The following LRMDA variants were observed in gnomAD, a reference collection of about 807,000 sequenced individuals.
The protein encoded by LRMDA is leucine-rich melanocyte differentiation-associated protein.
LRMDA carries 18 observed loss-of-function variants against 29.8 expected under a neutral mutation model. The observed-to-expected ratio is 0.60, with a 90% CI of 0.42 to 0.90. The LOEUF is 0.90. LRMDA is among the 40% of genes least tolerant of loss of function. The pLI, the probability that LRMDA is intolerant of heterozygous loss-of-function variation, is 0.00. For missense variants in LRMDA, 273 were observed against 273.9 expected, an observed-to-expected ratio of 1.00 and a Z score of 0.02; for synonymous variants, 125 against 109.4, an observed-to-expected ratio of 1.14 and a Z score of -0.89.
chr10:76,155,346 A>G (rs1193283162), intron 5 of LRMDA, among the ~76,000 whole-genome samples: 1 of 148,992 alleles, frequency 6.7e-6, no homozygotes, highest in Non-Finnish European at 1.5e-5. Flanking sequence ...TGAAATGAAC[A>G]TACCTGAAAT....
chr10:75,873,600 G>C (rs1029183067), intron 2 of LRMDA, among the ~76,000 whole-genome samples: 5 of 152,138 alleles, frequency 3.3e-5, no homozygotes, highest in African/African-American at 1.2e-4. Context: ...GAATCACAGG[G>C]CTATAACTCT....
chr10:75,830,484 C>T (rs12414095), intron 2 of LRMDA, among the ~76,000 whole-genome samples: 24,654 of 151,220 alleles, frequency 0.16, 2,225 homozygotes, highest in Admixed American at 0.22. Context: ...GGGGAAGCCT[C>T]ACAATTATGG....
chr10:75,496,897 G>A (rs893073754), intron 2 of LRMDA, among the ~76,000 whole-genome samples: 3 of 151,630 alleles, frequency 2.0e-5, no homozygotes, highest in African/African-American at 7.3e-5. Context: ...ATACATGAGG[G>A]GTATATACAC....
At chr10:76,453,116 T>C (rs1390570341) in intron 6 of LRMDA, among the ~76,000 whole-genome samples, 1 of 152,240 alleles carries the variant, frequency 6.6e-6, no homozygotes, top group Non-Finnish European at 1.5e-5. Context: ...TAAAGCACAG[T>C]TAAAGATAGT....
chr10:76,407,656 A>G (rs2132504265), intron 6 of LRMDA, among the ~76,000 whole-genome samples: 1 of 152,332 alleles, frequency 6.6e-6, no homozygotes. Context: ...AAATATGCAC[A>G]AGATTTCATA....
chr10:76,423,638 A>T (rs1325670189), intron 6 of LRMDA, among the ~76,000 whole-genome samples: 1 of 152,214 alleles, frequency 6.6e-6, no homozygotes, highest in Non-Finnish European at 1.5e-5. Flanking sequence ...AAATTTTGTT[A>T]TAAAGGGAAT....
At chr10:75,825,027 C>A (rs1008826368) in intron 2 of LRMDA, among the ~76,000 whole-genome samples, 4 of 152,102 alleles carry the variant, frequency 2.6e-5, no homozygotes, top group Admixed American at 2.6e-4. Context: ...GACCTAACAC[C>A]TTCATTATCA....
intron 5 of LRMDA, among the ~76,000 whole-genome samples, chr10:76,086,241 G>A (rs1279359225): frequency 1.3e-5 from 2 of 152,180 alleles, no homozygotes; most frequent in African/African-American, 4.8e-5. Flanking sequence ...TTTTGGGAAA[G>A]AGTTCACTCT....
intron 6 of LRMDA, among the ~76,000 whole-genome samples, chr10:76,453,899 T>C (rs1842431329): frequency 6.6e-6 from 1 of 152,232 alleles, no homozygotes; most frequent in African/African-American, 2.4e-5. Flanking sequence ...TCTATGTACA[T>C]ATTCCATGTT....
At chr10:76,495,610 C>G (rs913119059) in intron 6 of LRMDA, among the ~76,000 whole-genome samples, 5 of 151,840 alleles carry the variant, frequency 3.3e-5, no homozygotes, top group Admixed American at 3.3e-4. Flanking sequence ...TATATTGAGT[C>G]TTCCAATTCA....
chr10:76,295,872 T>A (rs548407360), intron 5 of LRMDA, among the ~76,000 whole-genome samples: 1 of 152,338 alleles, frequency 6.6e-6, no homozygotes, highest in East Asian at 1.9e-4. Flanking sequence ...TCTTTGCTAA[T>A]CTTCACTCAT....
intron 2 of LRMDA, among the ~76,000 whole-genome samples, chr10:75,806,353 T>A (rs1843851807): frequency 6.6e-6 from 1 of 151,398 alleles, no homozygotes. Flanking sequence ...TTCTTGAGAA[T>A]TCATATCTCT....
intron 5 of LRMDA, among the ~76,000 whole-genome samples, chr10:76,102,087 A>G (rs1345825385): frequency 6.6e-6 from 1 of 152,202 alleles, no homozygotes; most frequent in African/African-American, 2.4e-5. Flanking sequence ...TATCCACATC[A>G]TAGCATGTAT....
chr10:75,809,396 C>T (rs764825216), intron 2 of LRMDA, among the ~76,000 whole-genome samples: 1 of 152,216 alleles, frequency 6.6e-6, no homozygotes, highest in African/African-American at 2.4e-5. Context: ...GTAATCCCAG[C>T]ACTTTGTGAG....
Position 76,254,357 on chromosome 10 carries a change from T to TG in LRMDA, c.517-70044_517-70043insG, listed in dbSNP as rs55972207. On this transcript the variant is annotated intron_variant, in intron 5 of 6. Coordinates refer to ENST00000611255, the MANE Select transcript of LRMDA (RefSeq NM_001305581.2). ...TACCATACCATCCTATCCTATCCTATCCTATGCTATGCTATGCTATGCTAT... is the reference window on the plus strand; with the variant it reads ...TACCATACCATCCTATCCTATCCTATGCCTATGCTATGCTATGCTATGCTAT... Among the ~76,000 whole-genome samples the TG allele has an allele frequency of 4.7e-3, 693 of 146,776 alleles. 2 individuals carry two copies. Among genetic ancestry groups the TG allele is most frequent in the African/African-American group, 0.012 (490 of 39,746 alleles).
intron 5 of LRMDA, among the ~76,000 whole-genome samples, chr10:76,125,550 G>A (rs930846263): frequency 3.9e-5 from 6 of 152,320 alleles, no homozygotes; most frequent in African/African-American, 4.8e-5. Flanking sequence ...AACCATTGAT[G>A]CCTGAGTGGC....
chr10:75,790,378 C>G (rs907463043), intron 2 of LRMDA, among the ~76,000 whole-genome samples: 5 of 152,186 alleles, frequency 3.3e-5, no homozygotes, highest in Admixed American at 2.0e-4. Flanking sequence ...CAATTATATG[C>G]TAGACATTTA....
intron 2 of LRMDA, among the ~76,000 whole-genome samples, chr10:75,917,130 G>A (rs1290296296): frequency 2.0e-5 from 3 of 152,340 alleles, no homozygotes; most frequent in East Asian, 3.9e-4. Context: ...AGAAGGAGGA[G>A]CAGCTTAGGA....
rs139853768 is a variant in LRMDA, at chr10:76,111,352, C to T, written c.516+52569C>T. 3.7e-3 allele frequency among the ~76,000 whole-genome samples: 568 copies of T among 152,368 alleles called. 6 individuals are homozygous for T. The highest frequency in any genetic ancestry group is 0.013 in the African/African-American group (544 of 41,596). ...CTTAGCACCCAGCATAATGCTTGGA[C>T]GAAGTCCGTACTCAATACCCATCTA... On this transcript the variant is annotated intron_variant, in intron 5 of 6. Coordinates refer to ENST00000611255, the MANE Select transcript of LRMDA (RefSeq NM_001305581.2).
Sources: allele counts gnomAD v4.1 joint callset (sites outside exome capture counted in the v4.1 genomes callset), GRCh38; gene constraint gnomAD v4.1.1; transcripts MANE v1.5; gene names NCBI Gene and HGNC (gene_info 2026-07-23, HGNC 2026-07-21).